SLCO1B1: variants seen among roughly 807,000 people sequenced by gnomAD.
SLCO1B1 encodes OATP-2.
Under a neutral mutation model 70.1 loss-of-function variants are expected in SLCO1B1, and 81 were observed. That is an observed-to-expected ratio of 1.16 (90% CI 0.97 to 1.39). The LOEUF (loss-of-function observed/expected upper bound fraction) is 1.39. Among genes scored for constraint, SLCO1B1 ranks in the 40% most tolerant of loss-of-function variants. The pLI is 0.00. For missense variants in SLCO1B1, 895 were observed against 799.6 expected, an observed-to-expected ratio of 1.12 and a Z score of -1.44; for synonymous variants, 283 against 271.5, an observed-to-expected ratio of 1.04 and a Z score of -0.42.
At chr12:21,152,409 TA>T (rs1425101298) in intron 2 of SLCO1B1, among the ~76,000 whole-genome samples, 5 of 151,728 alleles carry the variant, frequency 3.3e-5, no homozygotes, top group Admixed American at 6.6e-5. Flanking sequence ...AAATTATATA[TA>T]TTTTTTTTCT....
At chr12:21,199,944 G>T (rs1157153230) in intron 8 of SLCO1B1, among the ~76,000 whole-genome samples, 2 of 152,040 alleles carry the variant, frequency 1.3e-5, no homozygotes, top group Non-Finnish European at 2.9e-5. Flanking sequence ...TAAGATTACA[G>T]GTGTGTGCCA....
intron 7 of SLCO1B1, among the ~76,000 whole-genome samples, chr12:21,188,940 A>C (rs78139943): frequency 6.6e-6 from 1 of 152,210 alleles, no homozygotes; most frequent in Non-Finnish European, 1.5e-5. Flanking sequence ...CATATTGCAG[A>C]ATATCCTTCT....
intron 7 of SLCO1B1, among the ~76,000 whole-genome samples, chr12:21,190,630 A>G (rs1021113902): frequency 6.6e-6 from 1 of 152,198 alleles, no homozygotes; most frequent in African/African-American, 2.4e-5. Flanking sequence ...AGTAATGTAC[A>G]TTGTACCCAA....
intron 7 of SLCO1B1, among the ~76,000 whole-genome samples, chr12:21,193,125 T>G (rs1049306267): frequency 3.3e-5 from 5 of 152,188 alleles, no homozygotes; most frequent in Admixed American, 1.3e-4. Flanking sequence ...ATGTGGTCTA[T>G]CTTAGAAAAT....
Position 21,160,106 on chromosome 12 carries a change from T to TAAA in SLCO1B1, c.85-12526_85-12524dup, listed in dbSNP as rs56102570. On this transcript the variant is annotated intron_variant, in intron 2 of 14. Transcript: ENST00000256958. The stretch of plus-strand genomic sequence containing the variant: ...CTACCAGCAATATTCTTCACAGAAC[T>TAAA]AAAAAAAAAAAAAAAAAAAACTATT... Among the ~76,000 whole-genome samples the TAAA allele has an allele frequency of 0.02, 2,273 of 111,840 alleles. 225 individuals are homozygous for TAAA. In the East Asian group the frequency reaches 0.33, roughly 16 times the overall value. 73.4% of individuals were successfully genotyped at this position (111,840 alleles called of 152,430 possible).
intron 12 of SLCO1B1, among the ~76,000 whole-genome samples, chr12:21,220,772 C>T (rs193087381): frequency 6.6e-5 from 10 of 150,866 alleles, no homozygotes; most frequent in Admixed American, 5.3e-4. Flanking sequence ...GAGCCAAGAT[C>T]GCTCCACTGC....
In SLCO1B1 at chr12:21,197,124, T is replaced by A; in HGVS notation, c.906T>A (p.Asn302Lys). The A allele has an allele frequency of 6.2e-7, 1 of 1,613,482 alleles. No individual in the cohort carries two copies. The highest frequency in any genetic ancestry group is 1.1e-5 in the South Asian group (1 of 91,068). ...TGTCTTTGCATGTGCTGGAAACAAA[T>A]GATGAAAAGGATCAAACAGCTAATT... ...ASLSLHVLET[N>K]DEKDQTANLT... The change falls in exon 8 of 15, where the codon AAT (asparagine) becomes AAA (lysine). Residue 302 changes from asparagine (N) to lysine (K), a missense_variant. By Grantham distance (94) the Asn-to-Lys change is moderately conservative. Transcript: ENST00000256958.
At chr12:21,214,266 G>C (rs1941327249) in intron 11 of SLCO1B1, among the ~76,000 whole-genome samples, 2 of 152,032 alleles carry the variant, frequency 1.3e-5, no homozygotes, top group South Asian at 2.1e-4. Flanking sequence ...CTGTTTGTTA[G>C]TTTTCCTTCT....
chr12:21,167,819 T>C (rs1235253303), intron 2 of SLCO1B1, among the ~76,000 whole-genome samples: 5 of 134,280 alleles, frequency 3.7e-5, no homozygotes, highest in Admixed American at 7.4e-5. Context: ...CTTTCTTTTC[T>C]TTTTTTTTTT....
intron 7 of SLCO1B1, among the ~76,000 whole-genome samples, chr12:21,180,749 A>G (rs549587316): frequency 6.6e-6 from 1 of 152,314 alleles, no homozygotes; most frequent in South Asian, 2.1e-4. Flanking sequence ...CATTATGTAC[A>G]TTATTTCTAC....
intron 11 of SLCO1B1, among the ~76,000 whole-genome samples, chr12:21,213,391 C>T (rs371150937): frequency 6.6e-6 from 1 of 151,808 alleles, no homozygotes; most frequent in East Asian, 1.9e-4. Context: ...TGAATATTGG[C>T]CCCCACTCTC....
chr12:21,150,197 C>A (rs34234515), intron 2 of SLCO1B1, among the ~76,000 whole-genome samples: 7,214 of 152,204 alleles, frequency 0.047, 190 homozygotes, highest in Admixed American at 0.081. Flanking sequence ...GCCCCAGTCA[C>A]GGGCTTATAT....
chr12:21,148,037 C>A (rs1940411253), intron 2 of SLCO1B1, among the ~76,000 whole-genome samples: 1 of 152,050 alleles, frequency 6.6e-6, no homozygotes. Context: ...TATCCTTGGC[C>A]CACTTTTTGA....
intron 2 of SLCO1B1, among the ~76,000 whole-genome samples, chr12:21,146,374 T>A (rs141152662): frequency 3.0e-4 from 45 of 152,242 alleles, no homozygotes; most frequent in African/African-American, 1.1e-3. Context: ...ATTTTATTAA[T>A]CTTTCTAAAG....
At chr12:21,165,552 A>G (rs1238906287) in intron 2 of SLCO1B1, among the ~76,000 whole-genome samples, 1 of 152,204 alleles carries the variant, frequency 6.6e-6, no homozygotes, top group Non-Finnish European at 1.5e-5. Flanking sequence ...AAAATTTACA[A>G]GAAGTTGTTA....
At chr12:21,178,828 G>C in intron 6 of SLCO1B1, 94 bp from the exon 7 acceptor site, 1 of 1,325,242 alleles carries the variant, frequency 7.5e-7, no homozygotes, top group Non-Finnish European at 1.1e-6. Flanking sequence ...CATATATTTG[G>C]GTATATGTAT....
Position 21,178,932 on chromosome 12 carries a change from T to A in SLCO1B1, c.639T>A (p.Asn213Lys), listed in dbSNP as rs752897663. The change falls in exon 7 of 15, where the codon AAT becomes AAA. Residue 213 changes from asparagine to lysine, a missense_variant. By Grantham distance (94) the Asn-to-Lys change is moderately conservative (BLOSUM62 0). Coordinates refer to ENST00000256958, the MANE Select transcript of SLCO1B1 (RefSeq NM_006446.5). ...GHSSLYLGIL[N>K]AIAMIGPIIG... ...TTATAATATTTTCAGGTATATTGAA[T>A]GCAATAGCAATGATTGGTCCAATCA... is the stretch of plus-strand genomic sequence containing the variant. The A allele has an allele frequency of 3.2e-5, 51 of 1,607,756 alleles. No individual in the cohort carries two copies.
At chr12:21,221,770 A>G (rs1321004034) in intron 12 of SLCO1B1, among the ~76,000 whole-genome samples, 1 of 152,126 alleles carries the variant, frequency 6.6e-6, no homozygotes, top group Non-Finnish European at 1.5e-5. Flanking sequence ...GATACTGGTA[A>G]GAATGTTGAG....
intron 14 of SLCO1B1, among the ~76,000 whole-genome samples, chr12:21,229,643 G>A (rs571397207): frequency 3.9e-5 from 6 of 152,024 alleles, no homozygotes; most frequent in Admixed American, 6.5e-5. Flanking sequence ...CATCTTGATG[G>A]CTTCCAAGTT....
Sources: gnomAD v4.1 joint callset for allele counts (sites outside exome capture counted in the v4.1 genomes callset) on GRCh38, gnomAD v4.1.1 for gene constraint, MANE v1.5 for transcripts, NCBI Gene and HGNC (gene_info 2026-07-23, HGNC 2026-07-21) for gene names.